Variants in COMMD10 observed in about 807,000 individuals in gnomAD.
The protein encoded by COMMD10 is COMM domain containing 10.
A neutral mutation model predicts 28.9 loss-of-function variants in COMMD10; 33 were observed. That is an observed-to-expected ratio of 1.14 (90% confidence interval 0.87 to 1.53). COMMD10 has a LOEUF of 1.53. Ranked by LOEUF, COMMD10 falls within the 40% of genes most tolerant of loss-of-function variation. The probability of loss-of-function intolerance (pLI) is 0.00; values close to 1 mark genes in which losing one functional copy is unlikely to be tolerated. For synonymous variants in COMMD10, 110 were observed against 81.7 expected (o/e 1.35, Z -1.87); for missense variants, 310 against 233.4 (o/e 1.33, Z -2.14).
At chr5:116,106,582 G>T (rs1750846139) in intron 4 of COMMD10, among the ~76,000 whole-genome samples, 1 of 151,974 alleles carries the variant, frequency 6.6e-6, no homozygotes, top group Non-Finnish European at 1.5e-5. Flanking sequence ...TTGATAGTGG[G>T]GTGTTAAAGT....
chr5:116,117,139 A>G (rs1274528407), intron 4 of COMMD10, among the ~76,000 whole-genome samples: 1 of 152,222 alleles, frequency 6.6e-6, no homozygotes, highest in Non-Finnish European at 1.5e-5. Flanking sequence ...ATTCCATTAT[A>G]TGAAAATATC....
At chr5:116,258,060 C>G (rs1384088871) in intron 5 of COMMD10, among the ~76,000 whole-genome samples, 1 of 151,564 alleles carries the variant, frequency 6.6e-6, no homozygotes, top group African/African-American at 2.4e-5. Flanking sequence ...CATATCAATA[C>G]AGATCTACAA....
chr5:116,090,962 C>A, intron 2 of COMMD10, 117 bp from the exon 3 acceptor site: 1 of 561,640 alleles, frequency 1.8e-6, no homozygotes, highest in Non-Finnish European at 3.2e-6. Context: ...TTTCTTTTCA[C>A]CATGTATTTT....
rs115276134 is a variant in COMMD10 at position 116,112,140 on chromosome 5, C to T, written c.399+19440C>T. On this transcript the variant is annotated intron_variant, in intron 4 of 6. Transcript: ENST00000274458. ...TCTTAGTATTCTGTTAATAATCTGT[C>T]TGGGAAAGAAGATTATTTCTACTTC... 9.5e-3 allele frequency among the ~76,000 whole-genome samples: 1,453 copies of T among 152,228 alleles called. 27 individuals are homozygous for T. Among genetic ancestry groups the T allele is most frequent in the African/African-American group, 0.034 (1,395 of 41,522 alleles).
At chr5:116,114,332 C>T (rs758018526) in intron 4 of COMMD10, among the ~76,000 whole-genome samples, 4 of 151,996 alleles carry the variant, frequency 2.6e-5, no homozygotes, top group Non-Finnish European at 5.9e-5. Flanking sequence ...TCTTGGGTAG[C>T]TGGGTGGCCT....
intron 5 of COMMD10, among the ~76,000 whole-genome samples, chr5:116,203,469 A>G (rs1057437733): frequency 6.6e-6 from 1 of 152,120 alleles, no homozygotes. Flanking sequence ...TGAAGGAAAA[A>G]ATGTTAAGGG....
At chr5:116,277,746 AT>A (rs1189084997) in intron 5 of COMMD10, among the ~76,000 whole-genome samples, 6 of 151,934 alleles carry the variant, frequency 3.9e-5, no homozygotes, top group African/African-American at 1.5e-4. Flanking sequence ...AGGTGCACAC[AT>A]TGGTTCTCTT....
In COMMD10 at chr5:116,201,061, G is replaced by C. The variant is rs993019712; in HGVS notation, c.510+66883G>C. ...CAGTTTTTTTATCCTTCTCCAGTTGGACAGATGGCTAGAGTGAGCTGGAGT... is the reference window on the plus strand; with the variant it reads ...CAGTTTTTTTATCCTTCTCCAGTTGCACAGATGGCTAGAGTGAGCTGGAGT... On this transcript the variant is annotated intron_variant, in intron 5 of 6. Transcript: ENST00000274458. Among the ~76,000 whole-genome samples, 152 of 152,184 alleles carry C rather than the reference G, an allele frequency of 1.0e-3. 1 individual carries two copies. The highest frequency in any genetic ancestry group is 3.4e-4 in the Non-Finnish European group (23 of 68,004).
intron 5 of COMMD10, among the ~76,000 whole-genome samples, chr5:116,147,597 T>C (rs1025168614): frequency 7.9e-5 from 12 of 151,864 alleles, no homozygotes; most frequent in African/African-American, 2.9e-4. Flanking sequence ...CTGTATGTTG[T>C]GATTGTTGCG....
intron 5 of COMMD10, among the ~76,000 whole-genome samples, chr5:116,134,645 C>T (rs1345494646): frequency 6.6e-6 from 1 of 152,032 alleles, no homozygotes. Context: ...TTTTTTGAGA[C>T]GGTGTCTTGC....
chr5:116,249,798 T>A (rs1023040614), intron 5 of COMMD10, among the ~76,000 whole-genome samples: 1 of 151,894 alleles, frequency 6.6e-6, no homozygotes, highest in African/African-American at 2.4e-5. Context: ...CTTGTTATAT[T>A]TGTGTTTTGG....
chr5:116,205,632 T>C (rs1461055392), intron 5 of COMMD10, among the ~76,000 whole-genome samples: 1 of 152,142 alleles, frequency 6.6e-6, no homozygotes, highest in Non-Finnish European at 1.5e-5. Context: ...GTGTATGTTT[T>C]TGTGTGTATA....
intron 5 of COMMD10, among the ~76,000 whole-genome samples, chr5:116,251,899 C>T (rs936259296): frequency 4.4e-4 from 66 of 151,596 alleles, no homozygotes; most frequent in Non-Finnish European, 7.9e-4. Flanking sequence ...AACTAGTTGA[C>T]AGTCCCACCA....
chr5:116,214,002 T>A (rs1749035388), intron 5 of COMMD10, among the ~76,000 whole-genome samples: 1 of 152,100 alleles, frequency 6.6e-6, no homozygotes, highest in Admixed American at 6.5e-5. Context: ...TTTATGAAAA[T>A]ACAGAACCCT....
intron 5 of COMMD10, among the ~76,000 whole-genome samples, chr5:116,166,525 C>T (rs1167460256): frequency 1.1e-4 from 17 of 152,214 alleles, no homozygotes; most frequent in South Asian, 8.3e-4. Flanking sequence ...AGTGGGTCCC[C>T]GGCCCCCGTG....
chr5:116,145,154 A>G (rs144811587), intron 5 of COMMD10, among the ~76,000 whole-genome samples: 391 of 151,930 alleles, frequency 2.6e-3, no homozygotes, highest in Non-Finnish European at 4.4e-3. Context: ...GGGCGGTTCT[A>G]GTAGGTTTGA....
chr5:116,121,117 T>A (rs750201120), intron 4 of COMMD10, among the ~76,000 whole-genome samples: 1 of 152,194 alleles, frequency 6.6e-6, no homozygotes, highest in Non-Finnish European at 1.5e-5. Context: ...TTTCTCCTAA[T>A]GCTCTCCTTC....
intron 5 of COMMD10, among the ~76,000 whole-genome samples, chr5:116,201,235 A>ACTTTTTAC (rs1295922861): frequency 2.6e-5 from 4 of 152,188 alleles, no homozygotes; most frequent in Non-Finnish European, 4.4e-5. Context: ...GGTAAGAAGC[A>ACTTTTTAC]CAGAGTGATC....
chr5:116,193,714 A>G (rs774578618), intron 5 of COMMD10, among the ~76,000 whole-genome samples: 4 of 152,160 alleles, frequency 2.6e-5, no homozygotes, highest in African/African-American at 4.8e-5. Context: ...CAGCAACATG[A>G]TAATAGTGGA....
Sources: allele counts gnomAD v4.1 joint callset (sites outside exome capture counted in the v4.1 genomes callset), GRCh38; gene constraint gnomAD v4.1.1; transcripts MANE v1.5; gene names NCBI Gene and HGNC (gene_info 2026-07-23, HGNC 2026-07-21).